Variants in RYK observed in about 807,000 individuals in gnomAD.
The protein encoded by RYK is inactive tyrosine-protein kinase RYK.
RYK carries 21 observed loss-of-function variants against 70.2 expected under a neutral mutation model. That is an observed-to-expected ratio of 0.30 (90% CI 0.21 to 0.43). The LOEUF (loss-of-function observed/expected upper bound fraction) is 0.43. Among genes scored for constraint, RYK ranks in the 20% least tolerant of loss-of-function variants. The probability of loss-of-function intolerance (pLI) is 1.00; values close to 1 mark genes in which losing one functional copy is unlikely to be tolerated. For missense variants in RYK, 604 were observed against 753.3 expected (o/e 0.80, Z 2.32); for synonymous variants, 267 against 278.0 (o/e 0.96, Z 0.39).
At chr3:134,246,405 A>C (rs1372665437) in intron 1 of RYK, among the ~76,000 whole-genome samples, 1 of 151,636 alleles carries the variant, frequency 6.6e-6, no homozygotes, top group Non-Finnish European at 1.5e-5. Flanking sequence ...CTGAAAACTA[A>C]AAAGAGTCTC....
At chr3:134,209,638 C>T (rs1490579301) in intron 4 of RYK, 57 bp downstream of exon 4, 3 of 1,247,798 alleles carry the variant, frequency 2.4e-6, no homozygotes, top group East Asian at 5.9e-5. Flanking sequence ...ACAACAAACT[C>T]TATTTTTCAC....
chr3:134,226,968 A>G (rs1341522436), intron 1 of RYK, among the ~76,000 whole-genome samples: 1 of 152,202 alleles, frequency 6.6e-6, no homozygotes, highest in Non-Finnish European at 1.5e-5. Context: ...ATGTATTAAG[A>G]CATAAAAAGC....
chr3:134,189,667 C>T (rs1197295885), intron 8 of RYK, among the ~76,000 whole-genome samples: 5 of 148,476 alleles, frequency 3.4e-5, no homozygotes, highest in Admixed American at 6.7e-5. Context: ...AGCATGAACC[C>T]GGGAGGTGGA....
chr3:134,235,373 CTGTATATTTTCCAGTCTATATCTTTTCT>C (rs2015176033), intron 1 of RYK, among the ~76,000 whole-genome samples: 2 of 151,642 alleles, frequency 1.3e-5, no homozygotes, highest in Admixed American at 1.3e-4. Context: ...ATATCTTTTC[CTGTATATTTTCCAGTCTATATCTTTTCT>C]TGTATATTTT....
At chr3:134,217,291 G>A (rs574571430) in intron 2 of RYK, among the ~76,000 whole-genome samples, 18 of 152,270 alleles carry the variant, frequency 1.2e-4, no homozygotes, top group African/African-American at 4.3e-4. Flanking sequence ...TGAGAGCCAC[G>A]GCCCTCCTTC....
intron 13 of RYK, among the ~76,000 whole-genome samples, chr3:134,168,667 G>A (rs2108145224): frequency 6.6e-6 from 1 of 152,056 alleles, no homozygotes; most frequent in South Asian, 2.1e-4. Context: ...TATACCTAAT[G>A]TGAATGATGA....
intron 10 of RYK, among the ~76,000 whole-genome samples, chr3:134,182,772 A>G (rs773822803): frequency 3.3e-5 from 5 of 152,224 alleles, no homozygotes; most frequent in Admixed American, 2.0e-4. Context: ...TAGATTAGCT[A>G]TGATTATCCA....
At chr3:134,209,982 T>A (rs1204842715) in intron 3 of RYK, among the ~76,000 whole-genome samples, 153 bp from the exon 4 acceptor site, 1 of 152,262 alleles carries the variant, frequency 6.6e-6, no homozygotes, top group Non-Finnish European at 1.5e-5. Context: ...ACAAAAGTTT[T>A]TAGAGATCTT....
At chr3:134,236,228 AAG>A (rs2015198178) in intron 1 of RYK, among the ~76,000 whole-genome samples, 1 of 152,132 alleles carries the variant, frequency 6.6e-6, no homozygotes, top group African/African-American at 2.4e-5. Flanking sequence ...ATCAAAAGAA[AAG>A]AGAATGCTGA....
intron 1 of RYK, among the ~76,000 whole-genome samples, chr3:134,249,916 CGTT>C (rs2015563633): frequency 1.2e-5 from 1 of 86,596 alleles, no homozygotes; most frequent in Admixed American, 1.2e-4. Flanking sequence ...CTTTCTCTCT[CGTT>C]TTTTTTTTTT....
chr3:134,220,992 T>C (rs554152723), intron 2 of RYK, among the ~76,000 whole-genome samples: 10 of 152,092 alleles, frequency 6.6e-5, no homozygotes, highest in African/African-American at 1.9e-4. Context: ...TCTCATATTA[T>C]AAAACCACTA....
intron 2 of RYK, among the ~76,000 whole-genome samples, chr3:134,218,681 TA>T (rs2014638411): frequency 6.6e-6 from 1 of 152,126 alleles, no homozygotes; most frequent in Admixed American, 6.5e-5. Context: ...GACCAGATCA[TA>T]AAGGCCTCCT....
rs1418634425 is a variant in RYK at position 134,227,172 on chromosome 3, T to C, written c.233-4633A>G. Among the ~76,000 whole-genome samples, 4 of 152,096 alleles carry C rather than the reference T, an allele frequency of 2.6e-5. No homozygotes were observed. In the East Asian group the frequency reaches 7.7e-4, roughly 29 times the overall value. ...TAGAAAATAAAACTTAAAAAATCAA[T>C]ACTATAACATTAAAAAACACCAGGG... On this transcript the variant is annotated intron_variant, in intron 1 of 14. Coordinates refer to ENST00000623711, the MANE Select transcript of RYK (RefSeq NM_002958.4).
intron 1 of RYK, among the ~76,000 whole-genome samples, chr3:134,224,082 G>A (rs1430728121): frequency 3.9e-5 from 6 of 152,172 alleles, no homozygotes; most frequent in Admixed American, 3.9e-4. Flanking sequence ...CCTTGTGTGC[G>A]GAGCCCAGAG....
intron 6 of RYK, among the ~76,000 whole-genome samples, chr3:134,196,250 T>G (rs1443041082): frequency 6.6e-6 from 1 of 152,164 alleles, no homozygotes; most frequent in Non-Finnish European, 1.5e-5. Flanking sequence ...CTTATAATTT[T>G]GCAGCAGTGG....
At chr3:134,222,328 G>T in intron 2 of RYK, 90 bp downstream of exon 2, 1 of 1,374,458 alleles carries the variant, frequency 7.3e-7, no homozygotes, top group Non-Finnish European at 1.0e-6. Context: ...GGACCCTTCA[G>T]TACAGACAGC....
At chr3:134,198,601 G>A (rs2013888813) in intron 6 of RYK, among the ~76,000 whole-genome samples, 1 of 152,162 alleles carries the variant, frequency 6.6e-6, no homozygotes, top group Non-Finnish European at 1.5e-5. Flanking sequence ...GCCGCAAGTG[G>A]GCCAGAGTGA....
At chr3:134,173,253 T>C (rs553448838) in intron 13 of RYK, among the ~76,000 whole-genome samples, 148 of 151,270 alleles carry the variant, frequency 9.8e-4, no homozygotes, top group Non-Finnish European at 1.9e-3. Flanking sequence ...TGCACTCCAG[T>C]CTGGTGATAG....
chr3:134,187,727 T>A (rs557818523), intron 9 of RYK, among the ~76,000 whole-genome samples: 55 of 151,314 alleles, frequency 3.6e-4, no homozygotes, highest in South Asian at 2.3e-3. Context: ...GCTACTTTTT[T>A]TTTTTTTTTT....
Sources: gnomAD v4.1 joint callset for allele counts (sites outside exome capture counted in the v4.1 genomes callset) on GRCh38, gnomAD v4.1.1 for gene constraint, MANE v1.5 for transcripts, NCBI Gene and HGNC (gene_info 2026-07-23, HGNC 2026-07-21) for gene names.